The following LMO4 variants were observed in gnomAD, a reference collection of about 807,000 sequenced individuals.
LMO4 encodes the protein LIM domain only 4.
LMO4 carries 3 observed loss-of-function variants against 18.5 expected under a neutral mutation model. The observed-to-expected ratio is 0.16, with a 90% CI of 0.07 to 0.42. LMO4 has a LOEUF of 0.42. LMO4 is among the 10% of genes least tolerant of loss of function. The probability of loss-of-function intolerance (pLI) is 0.99; values close to 1 mark genes in which losing one functional copy is unlikely to be tolerated. For synonymous variants in LMO4, 100 were observed against 88.1 expected, an observed-to-expected ratio of 1.14 and a Z score of -0.76; for missense variants, 121 against 219.9, an observed-to-expected ratio of 0.55 and a Z score of 2.84.
chr1:87,335,304 G>A (rs1021407183), intron 2 of LMO4, among the ~76,000 whole-genome samples: 8 of 152,174 alleles, frequency 5.3e-5, no homozygotes, highest in Non-Finnish European at 8.8e-5. Flanking sequence ...AGACCGGCGG[G>A]TGGGGCTCCA....
At position 87,348,508 on chromosome 1, in the gene LMO4, C is replaced by A. The variant is rs940881447; in HGVS notation, c.*3712C>A. The stretch of plus-strand genomic sequence containing the variant: ...CATTTTAGATTGGCAGTGCTCTGAA[C>A]GCATGTTAAACAGCCAGCTACTCCC... On this transcript the variant is annotated 3_prime_UTR_variant, in exon 5 of 5. Transcript: ENST00000370544. 2.8e-6 allele frequency: 1 copy of A among 352,286 alleles called. No individual in the cohort carries two copies. Among genetic ancestry groups the A allele is most frequent in the Non-Finnish European group, 5.7e-6 (1 of 175,002 alleles). 21.8% of individuals were successfully genotyped at this position (352,286 alleles called of 1,614,324 possible).
chr1:87,344,682 T>C (rs1650580553), intron 4 of LMO4, 106 bp from the exon 5 acceptor site: 1 of 1,125,848 alleles, frequency 8.9e-7, no homozygotes, highest in Admixed American at 1.7e-5. Flanking sequence ...AGTAATCTAA[T>C]AAAAGAAGAT....
intron 4 of LMO4, among the ~76,000 whole-genome samples, chr1:87,340,760 A>G (rs1650452377): frequency 1.3e-5 from 2 of 152,208 alleles, no homozygotes; most frequent in South Asian, 4.1e-4. Context: ...TAACATTTGA[A>G]TAAGTTATGG....
At chr1:87,334,595 T>TA (rs895354266) in intron 2 of LMO4, among the ~76,000 whole-genome samples, 4 of 152,158 alleles carry the variant, frequency 2.6e-5, no homozygotes, top group Non-Finnish European at 5.9e-5. Context: ...TGAGACCACA[T>TA]AGCGATTTAC....
At chr1:87,332,586 A>G (rs1469524328) in intron 2 of LMO4, among the ~76,000 whole-genome samples, 1 of 152,248 alleles carries the variant, frequency 6.6e-6, no homozygotes, top group Non-Finnish European at 1.5e-5. Context: ...CCCAAGCGGG[A>G]GTTAAGCTGC....
At chr1:87,342,078 C>T (rs1650514505) in intron 4 of LMO4, among the ~76,000 whole-genome samples, 1 of 152,186 alleles carries the variant, frequency 6.6e-6, no homozygotes, top group Non-Finnish European at 1.5e-5. Context: ...CGAGTTAGAG[C>T]TTCACTTTGT....
rs1280885460 is a variant in LMO4 at position 87,346,511 on chromosome 1, C to G, written c.*1715C>G. The stretch of plus-strand genomic sequence containing the variant: ...TTTAAGATGGCATTTTATTTTGTTC[C>G]AGAAAAGCGCCTGATGTAGACCCTC... On this transcript the variant is annotated 3_prime_UTR_variant, in exon 5 of 5. Transcript: ENST00000370544. The G allele has an allele frequency of 3.9e-5, 6 of 152,074 alleles. No homozygotes were observed. The highest frequency in any genetic ancestry group is 3.3e-4 in the Admixed American group (5 of 15,278). The allele number at this position is 152,074 out of a possible 1,614,324, so 9.4% of individuals were successfully genotyped here. A position where few individuals can be genotyped will look rare whatever the true frequency, so the allele number is the denominator to read the frequency against.
chr1:87,339,563 C>T lies in LMO4; in HGVS notation c.264C>T (p.Ser88=), dbSNP rs779591020. Residue 88 remains serine (S), a synonymous_variant, in exon 3 of 5, where the codon AGC becomes AGT. Coordinates refer to ENST00000370544, the MANE Select transcript of LMO4 (RefSeq NM_006769.4). ...IRLFGNSGAC[S]ACGQSIPASE... is the part of the protein sequence containing the mutation. ...TATTTGGAAATAGCGGTGCTTGCAG[C>T]GCTTGCGGACAGTCGATTCCTGCGA... 22 of 1,613,642 alleles carry T rather than the reference C, an allele frequency of 1.4e-5. No individual in the cohort carries two copies. The Admixed American group carries it at 1.8e-4, about 13-fold the overall frequency.
rs1323011642 is a variant in LMO4 at position 87,348,841 on chromosome 1, C to T, written c.*4045C>T. ...GAGGCCTCAAGCCAATAATGTACTA[C>T]AGGCCCTGACATGTTACAGCTGTGT... On this transcript the variant is annotated 3_prime_UTR_variant, in exon 5 of 5. Coordinates refer to ENST00000370544, the MANE Select transcript of LMO4 (RefSeq NM_006769.4). 6 of 473,488 alleles carry T rather than the reference C, an allele frequency of 1.3e-5. No individual in the cohort carries two copies. The highest frequency in any genetic ancestry group is 2.5e-5 in the Non-Finnish European group (6 of 235,836). The allele number at this position is 473,488 out of a possible 1,614,324, so 29.3% of individuals were successfully genotyped here.
chr1:87,335,775 G>A (rs758739312), intron 2 of LMO4, among the ~76,000 whole-genome samples: 3 of 151,650 alleles, frequency 2.0e-5, no homozygotes, highest in Non-Finnish European at 4.4e-5. Context: ...CCAATAGGAC[G>A]TGCTAGGTAA....
chr1:87,335,366 C>T (rs1465101783), intron 2 of LMO4, among the ~76,000 whole-genome samples: 1 of 152,046 alleles, frequency 6.6e-6, no homozygotes, highest in Non-Finnish European at 1.5e-5. Flanking sequence ...CGGTCGTCGG[C>T]TGGCCCTCGC....
rs943756774 is a variant in LMO4 at position 87,331,896 on chromosome 1, C to T, written c.-3-117C>T. On this transcript the variant is annotated intron_variant, in intron 1 of 4. Transcript: ENST00000370544. ...CTTCCCGCCCTTGCCCTGCTGTTTC[C>T]TTCCAGCAGCTCCGCGGGGAGGAGG... 30 of 840,376 alleles carry T rather than the reference C, an allele frequency of 3.6e-5. No homozygotes were observed. In the African/African-American group the frequency reaches 4.9e-4, roughly 14 times the overall value. 52.1% of individuals were successfully genotyped at this position (840,376 alleles called of 1,614,324 possible).
chr1:87,332,271 C>G lies in LMO4; in HGVS notation c.236+20C>G. On this transcript the variant is annotated intron_variant, in intron 2 of 4. Transcript: ENST00000370544. The stretch of plus-strand genomic sequence containing the variant: ...CATTAGGTAAGACTTTGCTGTCTTT[C>G]CTGGAGATGGGGGGAAGAGCAATGG... The G allele has an allele frequency of 6.3e-7, 1 of 1,583,106 alleles. No individual in the cohort carries two copies. The highest frequency in any genetic ancestry group is 8.7e-7 in the Non-Finnish European group (1 of 1,152,878).
chr1:87,344,479 A>T (rs1244852953), intron 4 of LMO4, among the ~76,000 whole-genome samples: 1 of 152,234 alleles, frequency 6.6e-6, no homozygotes. Context: ...GCAAGATGTT[A>T]CATTCCTTTT....
In LMO4 at chr1:87,348,198, A is replaced by G. The variant is rs1323864345; in HGVS notation, c.*3402A>G. 1 of 155,094 alleles carries G rather than the reference A, an allele frequency of 6.4e-6. No homozygotes were observed. Among genetic ancestry groups the G allele is most frequent in the African/African-American group, 2.4e-5 (1 of 41,458 alleles). The allele number at this position is 155,094 out of a possible 1,614,324, so 9.6% of individuals were successfully genotyped here. A position where few individuals can be genotyped will look rare whatever the true frequency, so the allele number is the denominator to read the frequency against. ...ATATGGAGTCTAGTGAAGAGTTCCC[A>G]TGTAGCCTAACTAATTGTATTTAAA... On this transcript the variant is annotated 3_prime_UTR_variant, in exon 5 of 5. Transcript: ENST00000370544.
intron 2 of LMO4, among the ~76,000 whole-genome samples, chr1:87,336,916 T>C (rs781528143): frequency 2.0e-5 from 3 of 152,230 alleles, no homozygotes; most frequent in Non-Finnish European, 4.4e-5. Flanking sequence ...AATCAAACAC[T>C]GTCCGGACAG....
chr1:87,344,426 G>A (rs1650573583), intron 4 of LMO4, among the ~76,000 whole-genome samples: 2 of 152,132 alleles, frequency 1.3e-5, no homozygotes, highest in African/African-American at 4.8e-5. Context: ...AACTTGTCTT[G>A]GAATGTCCCC....
In LMO4 at chr1:87,347,151, G is replaced by A. The variant is rs1205187230; in HGVS notation, c.*2355G>A. ...ATGAGCTTCTAAAAGCATTTCTTAA[G>A]TTGCAGACCTATAAGATTACAAATG... On this transcript the variant is annotated 3_prime_UTR_variant, in exon 5 of 5. Transcript: ENST00000370544. The A allele has an allele frequency of 1.3e-5, 2 of 152,176 alleles. No homozygotes were observed. The highest frequency in any genetic ancestry group is 1.9e-4 in the East Asian group (1 of 5,202). 9.4% of individuals were successfully genotyped at this position (152,176 alleles called of 1,614,324 possible).
rs1179107031 is a variant in LMO4, at chr1:87,346,561, T to C, written c.*1765T>C. Reference sequence around the variant, plus strand: ...CCCTCTGAGAATAGCCGTGGAGCCATGTAGAGAGGTGTAGCTCAGCACATC... The same window carrying C: ...CCCTCTGAGAATAGCCGTGGAGCCACGTAGAGAGGTGTAGCTCAGCACATC... On this transcript the variant is annotated 3_prime_UTR_variant, in exon 5 of 5. Coordinates refer to ENST00000370544, the MANE Select transcript of LMO4 (RefSeq NM_006769.4). 6.6e-6 allele frequency: 1 copy of C among 152,174 alleles called. No homozygotes were observed. The highest frequency in any genetic ancestry group is 1.5e-5 in the Non-Finnish European group (1 of 68,026). The allele number at this position is 152,174 out of a possible 1,614,324, so 9.4% of individuals were successfully genotyped here.
Sources: gnomAD v4.1 joint callset for allele counts (sites outside exome capture counted in the v4.1 genomes callset) on GRCh38, gnomAD v4.1.1 for gene constraint, MANE v1.5 for transcripts, NCBI Gene and HGNC (gene_info 2026-07-23, HGNC 2026-07-21) for gene names.